GRIPAP1: variants seen among roughly 807,000 people sequenced by gnomAD.
GRIPAP1 encodes the protein GRIP1-associated protein 1.
GRIPAP1 carries 14 observed loss-of-function variants against 84.1 expected under a neutral mutation model. The ratio of observed to expected loss-of-function variants is 0.17; its 90% CI spans 0.11 to 0.26. The LOEUF (loss-of-function observed/expected upper bound fraction) is 0.26, where lower values mean the gene tolerates loss of function less well. Among genes scored for constraint, GRIPAP1 ranks in the 10% least tolerant of loss-of-function variants. The probability of loss-of-function intolerance (pLI) is 1.00; values close to 1 mark genes in which losing one functional copy is unlikely to be tolerated. For synonymous variants in GRIPAP1, 261 were observed against 256.8 expected (o/e 1.02, Z -0.15); for missense variants, 518 against 674.2 (o/e 0.77, Z 2.57).
chrX:48,983,793 T>G lies in GRIPAP1; in HGVS notation c.1254A>C (p.Glu418Asp). ...IGQEKEQLTQ[E>D]LQEARKSAEK... ...CCCCTACCTTCCGAGCCTCCTGTAA[T>G]TCCTGGGTCAACTGCTCCTTCTCCT... The change falls in exon 15 of 26, where the codon GAA becomes GAC. Residue 418 changes from glutamate to aspartate, a missense_variant. Glu to Asp is a conservative substitution (Grantham distance 45). Around this residue, in one of 5 missense-constraint regions of GRIPAP1, gnomAD observed 372 missense variants for 458.1 expected, o/e 0.81. Coordinates refer to ENST00000376423, the MANE Select transcript of GRIPAP1 (RefSeq NM_020137.5). The G allele has an allele frequency of 8.5e-7, 1 of 1,181,745 alleles. No individual in the cohort carries two copies. Among genetic ancestry groups the G allele is most frequent in the Admixed American group, 2.2e-5 (1 of 45,969 alleles).
chrX:48,991,578 C>T (rs941700922), intron 6 of GRIPAP1, among the ~76,000 whole-genome samples: 5 of 112,581 alleles, frequency 4.4e-5, no homozygotes, highest in African/African-American at 1.3e-4. Context: ...CGGTGGCTCA[C>T]GCCTGTATCC....
chrX:48,981,565 G>T, intron 19 of GRIPAP1, 31 bp downstream of exon 19: 1 of 1,166,603 alleles, frequency 8.6e-7, no homozygotes, highest in Non-Finnish European at 1.2e-6. Context: ...AGGATCAGGG[G>T]TGTGTCTGGG....
intron 11 of GRIPAP1, 55 bp downstream of exon 11, chrX:48,989,556 C>T: frequency 2.5e-6 from 2 of 801,624 alleles, no homozygotes; most frequent in East Asian, 3.1e-5. Context: ...CAGACCTCTC[C>T]AGGCTCCCAG....
chrX:48,989,731 G>T (rs1196809782), intron 10 of GRIPAP1, 21 bp from the exon 11 acceptor site: 3 of 1,127,963 alleles, frequency 2.7e-6, no homozygotes, highest in African/African-American at 1.8e-5. Context: ...TGGGGAGGGG[G>T]TGTGTTGGAC....
chrX:48,979,970 C>T (rs1557061616), intron 21 of GRIPAP1, among the ~76,000 whole-genome samples: 3 of 110,968 alleles, frequency 2.7e-5, no homozygotes, highest in Non-Finnish European at 1.9e-5. Flanking sequence ...TTCAGGAGAC[C>T]GAGTGCCTCA....
intron 21 of GRIPAP1, among the ~76,000 whole-genome samples, chrX:48,979,503 GAA>G (rs1469267401): frequency 0.11 from 5,867 of 51,621 alleles, 1,292 homozygotes; most frequent in Middle Eastern, 0.2. Context: ...AAAAAAAAAA[GAA>G]ATGCAAGCAG....
intron 25 of GRIPAP1, 71 bp from the exon 26 acceptor site, chrX:48,974,356 A>G: frequency 1.6e-6 from 1 of 641,024 alleles, no homozygotes; most frequent in Non-Finnish European, 2.6e-6. Flanking sequence ...GTAGGGTATC[A>G]TCTGTGATTT....
intron 13 of GRIPAP1, 37 bp downstream of exon 13, chrX:48,987,748 G>A: frequency 1.2e-6 from 1 of 859,772 alleles, no homozygotes; most frequent in South Asian, 2.1e-5. Flanking sequence ...TGGGGGAACT[G>A]GAGAGGGATC....
At chrX:48,993,396 G>C in intron 6 of GRIPAP1, 32 bp downstream of exon 6, 1 of 1,099,288 alleles carries the variant, frequency 9.1e-7, no homozygotes, top group East Asian at 3.4e-5. Context: ...AAGCCCCAAT[G>C]TCTCCGCATC....
At position 48,985,261 on chromosome X, in the gene GRIPAP1, G is replaced by A; in HGVS notation, c.1176+7C>T. ...AGGAAGAGACAGGCCAGAGCCAAAG[G>A]TGTTACCTGGAGCTGGGAGTTGAGG... On this transcript the variant is annotated splice_region_variant and intron_variant, in intron 14 of 25. Coordinates refer to ENST00000376423, the MANE Select transcript of GRIPAP1 (RefSeq NM_020137.5). 3 of 1,205,481 alleles carry A rather than the reference G, an allele frequency of 2.5e-6. No homozygotes were observed. Among genetic ancestry groups the A allele is most frequent in the Non-Finnish European group, 3.4e-6 (3 of 890,302 alleles).
rs782189426 is a variant in GRIPAP1, at chrX:48,994,203, C to G, written c.307-625G>C. 3.8e-4 allele frequency among the ~76,000 whole-genome samples: 41 copies of G among 108,665 alleles called. No homozygotes were observed. In the South Asian group the frequency reaches 0.015, roughly 41 times the overall value. The allele number at this position is 108,665 out of a possible 115,157, so 94.4% of individuals were successfully genotyped here. On this transcript the variant is annotated intron_variant, in intron 5 of 25. Coordinates refer to ENST00000376423, the MANE Select transcript of GRIPAP1 (RefSeq NM_020137.5). ...CTACAGAGAATTTTTATTTTATTGC[C>G]TGCAATATTTTCTTTCTTTTTTTTT...
chrX:48,979,587 A>G (rs1390687118), intron 21 of GRIPAP1, among the ~76,000 whole-genome samples: 4 of 107,155 alleles, frequency 3.7e-5, no homozygotes. Context: ...TGTATGGTAT[A>G]CGATTGTAAC....
intron 1 of GRIPAP1, 37 bp from the exon 2 acceptor site, chrX:48,999,541 G>A: frequency 9.6e-7 from 1 of 1,043,534 alleles, no homozygotes; most frequent in Non-Finnish European, 1.3e-6. Context: ...ACTTGGTCAG[G>A]AAAGCGCCCC....
rs782771794 is a variant in GRIPAP1 at position 48,987,884 on chromosome X, C to CCA, written c.949-9_949-8dup. On this transcript the variant is annotated splice_polypyrimidine_tract_variant and splice_region_variant and intron_variant, in intron 12 of 25. Transcript: ENST00000376423. Reference sequence around the variant, plus strand: ...CTGCACTCTGGATGGATACCTGGCCCCACGTCCACAGCAGGTGAGAGTGGG... The same window carrying CCA: ...CTGCACTCTGGATGGATACCTGGCCCCACACGTCCACAGCAGGTGAGAGTGGG... 10 of 1,171,879 alleles carry CCA rather than the reference C, an allele frequency of 8.5e-6. No homozygotes were observed. In the South Asian group the frequency reaches 1.8e-4, roughly 21 times the overall value.
intron 22 of GRIPAP1, 161 bp downstream of exon 22, chrX:48,978,144 C>T: frequency 4.1e-6 from 2 of 488,882 alleles, no homozygotes; most frequent in Non-Finnish European, 7.0e-6. Context: ...CTGCATGTCG[C>T]AATCTGAATC....
At chrX:48,978,130 T>A (rs180775677) in intron 22 of GRIPAP1, 175 bp downstream of exon 22, 2 of 442,395 alleles carry the variant, frequency 4.5e-6, no homozygotes, top group East Asian at 7.8e-5. Context: ...ATGACTGGCC[T>A]GTCCTGCATG....
intron 1 of GRIPAP1, among the ~76,000 whole-genome samples, chrX:48,999,725 C>A (rs55764934): frequency 1.8e-5 from 2 of 110,959 alleles, no homozygotes; most frequent in African/African-American, 6.6e-5. Flanking sequence ...AGCCTCACCC[C>A]TCCATCTCAC....
chrX:48,998,102 T>C (rs1230679441), intron 4 of GRIPAP1, 52 bp downstream of exon 4: 11 of 956,540 alleles, frequency 1.1e-5, no homozygotes, highest in Non-Finnish European at 1.7e-5. Context: ...CATACAGAAA[T>C]AGCCCACCAA....
intron 1 of GRIPAP1, among the ~76,000 whole-genome samples, chrX:49,001,123 C>T (rs910772019): frequency 1.4e-4 from 16 of 111,457 alleles, no homozygotes; most frequent in African/African-American, 5.2e-4. Flanking sequence ...AATGGCCCTA[C>T]ACCCTTCAGG....
Sources: allele counts gnomAD v4.1 joint callset (sites outside exome capture counted in the v4.1 genomes callset), GRCh38; gene constraint gnomAD v4.1.1; regional missense constraint gnomAD v4.1.1; transcripts MANE v1.5; gene names NCBI Gene and HGNC (gene_info 2026-07-23, HGNC 2026-07-21).